The following TTC27 variants were observed in gnomAD, a reference collection of about 807,000 sequenced individuals.
TTC27 encodes tetratricopeptide repeat domain 27, also known as tetratricopeptide repeat protein 27.
In TTC27, 79 loss-of-function variants were observed where a neutral mutation model predicts 115.9. The ratio of observed to expected loss-of-function variants is 0.68; its 90% CI spans 0.57 to 0.82. The LOEUF (loss-of-function observed/expected upper bound fraction) is 0.82. Among genes scored for constraint, TTC27 ranks in the 40% least tolerant of loss-of-function variants. The pLI is 0.00. For missense variants in TTC27, 1,054 were observed against 993.1 expected (o/e 1.06, Z -0.82); for synonymous variants, 401 against 356.0 (o/e 1.13, Z -1.42).
intron 9 of TTC27, among the ~76,000 whole-genome samples, chr2:32,687,182 A>G (rs1042455950): frequency 5.9e-5 from 9 of 152,234 alleles, no homozygotes; most frequent in African/African-American, 1.9e-4. Flanking sequence ...AAGGCATTCA[A>G]GGGTGAACAA....
intron 12 of TTC27, among the ~76,000 whole-genome samples, chr2:32,748,797 C>A (rs914007097): frequency 2.6e-5 from 4 of 151,206 alleles, no homozygotes; most frequent in Non-Finnish European, 4.4e-5. Context: ...CAGTGATTCT[C>A]CTGCCTCAGC....
chr2:32,748,120 T>A (rs1368595039), intron 12 of TTC27, among the ~76,000 whole-genome samples: 2 of 152,164 alleles, frequency 1.3e-5, no homozygotes, highest in African/African-American at 4.8e-5. Flanking sequence ...AATCAGGCTT[T>A]TGCTACATCC....
At chr2:32,630,173 T>C (rs141691738) in intron 1 of TTC27, among the ~76,000 whole-genome samples, 2 of 152,162 alleles carry the variant, frequency 1.3e-5, no homozygotes, top group Non-Finnish European at 2.9e-5. Flanking sequence ...AAGAACCAGA[T>C]TGTGAAAAGT....
chr2:32,781,867 C>T (rs1325988703), intron 14 of TTC27, among the ~76,000 whole-genome samples: 6 of 152,176 alleles, frequency 3.9e-5, no homozygotes, highest in Non-Finnish European at 1.5e-5. Flanking sequence ...ACAGTGTGAC[C>T]TCCAAAATCT....
At position 32,820,880 on chromosome 2, in the gene TTC27, T is replaced by C; in HGVS notation, c.2474T>C (p.Met825Thr). The C allele has an allele frequency of 6.5e-7, 1 of 1,543,560 alleles. No homozygotes were observed. The highest frequency in any genetic ancestry group is 8.8e-7 in the Non-Finnish European group (1 of 1,141,620). The change falls in exon 20 of 20, where the codon ATG (methionine) becomes ACG (threonine). Residue 825 changes from methionine (M) to threonine (T), a missense_variant. Coordinates refer to ENST00000317907, the MANE Select transcript of TTC27 (RefSeq NM_017735.5). The stretch of plus-strand genomic sequence containing the variant: ...GAATTAGCTGATGACATAACAGCTA[T>C]GGACACCTTAGTGACAGAGCTCCAA... ...SRELADDITA[M>T]DTLVTELQDL... is the part of the protein sequence containing the mutation.
rs771864216 is a variant in TTC27, at chr2:32,777,901, T to C, written c.1700T>C (p.Leu567Pro). ...NPMQLGVWFS[L>P]GCAYLALEDY... is the part of the protein sequence containing the mutation. Reference sequence around the variant, plus strand: ...TTGCAGCTCGGGGTGTGGTTTTCTCTCGGTTGTGCCTATTTGGCCTTGGAA... The same window carrying C: ...TTGCAGCTCGGGGTGTGGTTTTCTCCCGGTTGTGCCTATTTGGCCTTGGAA... The change falls in exon 14 of 20, where the codon CTC becomes CCC. Residue 567 changes from leucine (L) to proline (P), a missense_variant. Transcript: ENST00000317907. 1 of 1,614,068 alleles carries C rather than the reference T, an allele frequency of 6.2e-7. No homozygotes were observed.
chr2:32,749,969 T>C lies in TTC27; in HGVS notation c.1453-8323T>C, dbSNP rs1047174498. 7.2e-5 allele frequency among the ~76,000 whole-genome samples: 11 copies of C among 152,144 alleles called. 1 individual carries two copies. The highest frequency in any genetic ancestry group is 1.5e-4 in the Non-Finnish European group (10 of 68,034). On this transcript the variant is annotated intron_variant, in intron 12 of 19. Coordinates refer to ENST00000317907, the MANE Select transcript of TTC27 (RefSeq NM_017735.5). ...TATGGAAGCAGAGCCACTTTGAGTATTTTAGAGAATAAGTGGTTTACTAAA... is the reference window on the plus strand; with the variant it reads ...TATGGAAGCAGAGCCACTTTGAGTACTTTAGAGAATAAGTGGTTTACTAAA...
chr2:32,731,437 C>T (rs1434798611), intron 10 of TTC27, among the ~76,000 whole-genome samples: 2 of 152,142 alleles, frequency 1.3e-5, no homozygotes, highest in Non-Finnish European at 2.9e-5. Context: ...TGCAGTGGCA[C>T]AAACCTAGCT....
At chr2:32,654,594 G>T (rs927682141) in intron 5 of TTC27, among the ~76,000 whole-genome samples, 1 of 151,882 alleles carries the variant, frequency 6.6e-6, no homozygotes, top group Non-Finnish European at 1.5e-5. Flanking sequence ...GCAGTGATGC[G>T]ATCTAGACTC....
intron 12 of TTC27, among the ~76,000 whole-genome samples, chr2:32,745,274 G>A (rs894476087): frequency 6.6e-6 from 1 of 152,130 alleles, no homozygotes; most frequent in Non-Finnish European, 1.5e-5. Flanking sequence ...AGCTCTTCCA[G>A]GGGCTCAGAT....
intron 10 of TTC27, among the ~76,000 whole-genome samples, chr2:32,714,709 C>T (rs1443620900): frequency 6.6e-6 from 1 of 152,122 alleles, no homozygotes; most frequent in African/African-American, 2.4e-5. Flanking sequence ...TTCCCATCAA[C>T]GGTATGTAAG....
intron 10 of TTC27, among the ~76,000 whole-genome samples, chr2:32,731,911 T>C (rs1668303885): frequency 6.6e-6 from 1 of 152,238 alleles, no homozygotes; most frequent in African/African-American, 2.4e-5. Context: ...GTACCTAATA[T>C]GCTTTAGCTA....
At chr2:32,630,374 T>C in intron 1 of TTC27, 149 bp from the exon 2 acceptor site, 2 of 525,306 alleles carry the variant, frequency 3.8e-6, no homozygotes, top group Non-Finnish European at 6.5e-6. Context: ...GGAAATTTAC[T>C]GAGTGCCTTG....
chr2:32,646,956 A>G (rs1036160660), intron 4 of TTC27, among the ~76,000 whole-genome samples: 1 of 148,720 alleles, frequency 6.7e-6, no homozygotes, highest in Non-Finnish European at 1.5e-5. Flanking sequence ...AGCATATTAT[A>G]TGTTTTTTTT....
Position 32,786,973 on chromosome 2 carries a change from A to G in TTC27, c.1833-11A>G, listed in dbSNP as rs748798783. On this transcript the variant is annotated splice_polypyrimidine_tract_variant and intron_variant, in intron 15 of 19. Coordinates refer to ENST00000317907, the MANE Select transcript of TTC27 (RefSeq NM_017735.5). ...TCATTATTGCTCTCTTTAAAATTTG[A>G]CCTTCAATAGAGTAAAAGCTTTTAG... 1 of 1,595,886 alleles carries G rather than the reference A, an allele frequency of 6.3e-7. No individual in the cohort carries two copies. Among genetic ancestry groups the G allele is most frequent in the Non-Finnish European group, 8.5e-7 (1 of 1,175,138 alleles).
intron 5 of TTC27, among the ~76,000 whole-genome samples, chr2:32,654,384 G>A (rs1665241574): frequency 6.6e-6 from 1 of 152,148 alleles, no homozygotes; most frequent in East Asian, 1.9e-4. Flanking sequence ...TGGATATAGT[G>A]TGCCTTTTAA....
At chr2:32,786,920 C>A in intron 15 of TTC27, 64 bp from the exon 16 acceptor site, 1 of 1,345,790 alleles carries the variant, frequency 7.4e-7, no homozygotes, top group Non-Finnish European at 1.0e-6. Context: ...ATACATTTAG[C>A]TATGCTTTAT....
Position 32,664,393 on chromosome 2 carries a change from A to G in TTC27, c.731A>G (p.Tyr244Cys). 6.2e-7 allele frequency: 1 copy of G among 1,612,698 alleles called. No individual in the cohort carries two copies. The highest frequency in any genetic ancestry group is 1.3e-5 in the African/African-American group (1 of 75,002). ...HLECAYVFLYYYEYRKAKDQL... is the reference protein window; with the variant it reads ...HLECAYVFLYCYEYRKAKDQL... Reference sequence around the variant, plus strand: ...GAATGTGCATATGTGTTTTTATATTATTATGAGTACAGAAAAGCAAAAGAT... The same window carrying G: ...GAATGTGCATATGTGTTTTTATATTGTTATGAGTACAGAAAAGCAAAAGAT... The change falls in exon 6 of 20, where the codon TAT becomes TGT. Residue 244 changes from tyrosine to cysteine, a missense_variant. Physicochemically the swap from Tyr to Cys is radical, Grantham distance 194. Transcript: ENST00000317907.
At chr2:32,648,973 C>G (rs1284609306) in intron 4 of TTC27, among the ~76,000 whole-genome samples, 2 of 152,106 alleles carry the variant, frequency 1.3e-5, no homozygotes, top group Admixed American at 1.3e-4. Flanking sequence ...GATCATGCCA[C>G]TGCACTCCAG....
Sources: gnomAD v4.1 joint callset for allele counts (sites outside exome capture counted in the v4.1 genomes callset) on GRCh38, gnomAD v4.1.1 for gene constraint, MANE v1.5 for transcripts, NCBI Gene and HGNC (gene_info 2026-07-23, HGNC 2026-07-21) for gene names.